SPIRE1: variants seen among roughly 807,000 people sequenced by gnomAD.
SPIRE1 encodes protein spire homolog 1.
In SPIRE1, 40 loss-of-function variants were observed where a neutral mutation model predicts 94.1. The observed-to-expected ratio is 0.43, with a 90% CI of 0.33 to 0.55. The LOEUF is 0.55. Ranked by LOEUF, SPIRE1 falls within the 20% of genes least tolerant of loss-of-function variation. The pLI is 0.06. For synonymous variants in SPIRE1, 376 were observed against 371.7 expected (o/e 1.01, Z -0.13); for missense variants, 838 against 975.2 (o/e 0.86, Z 1.87).
intron 2 of SPIRE1, among the ~76,000 whole-genome samples, chr18:12,631,548 C>CAAAAAAAAAAAAAAAAAAAAAAAA (rs869278182): frequency 1.6e-5 from 1 of 63,804 alleles, no homozygotes; most frequent in Non-Finnish European, 2.7e-5. Flanking sequence ...CCCATCTCTA[C>CAAAAAAAAAAAAAAAAAAAAAAAA]AAAAAAAAAA....
intron 3 of SPIRE1, among the ~76,000 whole-genome samples, chr18:12,535,845 C>G (rs986443112): frequency 3.9e-5 from 6 of 152,150 alleles, no homozygotes; most frequent in African/African-American, 1.4e-4. Context: ...ATCCCAGCTA[C>G]TCAGGAAGCT....
chr18:12,602,483 T>C (rs2036863286), intron 2 of SPIRE1, among the ~76,000 whole-genome samples: 1 of 152,192 alleles, frequency 6.6e-6, no homozygotes, highest in Non-Finnish European at 1.5e-5. Flanking sequence ...CCCTTTGAGA[T>C]TGTCATCCCA....
At position 12,512,342 on chromosome 18, in the gene SPIRE1, G is replaced by A. The variant is rs531996140; in HGVS notation, c.807+112C>T. ...GTGGGGGTTGCAGTGAGCTGAGATC[G>A]CACCATTGCACTGCAGCCTGAGCAA... is the stretch of plus-strand genomic sequence containing the variant. On this transcript the variant is annotated intron_variant, in intron 5 of 16. Transcript: ENST00000409402. 54 of 694,346 alleles carry A rather than the reference G, an allele frequency of 7.8e-5. 1 individual carries two copies. In the South Asian group the frequency reaches 8.9e-4, roughly 11 times the overall value. 43.0% of individuals were successfully genotyped at this position (694,346 alleles called of 1,614,324 possible).
chr18:12,626,084 A>C (rs2037618537), intron 2 of SPIRE1, among the ~76,000 whole-genome samples: 1 of 150,144 alleles, frequency 6.7e-6, no homozygotes, highest in Admixed American at 6.8e-5. Flanking sequence ...ATTGTCACCT[A>C]AACGAGCCAG....
intron 2 of SPIRE1, among the ~76,000 whole-genome samples, chr18:12,591,810 A>G (rs2036542799): frequency 6.6e-6 from 1 of 151,962 alleles, no homozygotes; most frequent in South Asian, 2.1e-4. Context: ...TCTACTAAAA[A>G]TGCAAAAAAT....
chr18:12,480,570 C>A (rs1300885884), intron 9 of SPIRE1, among the ~76,000 whole-genome samples: 2 of 152,188 alleles, frequency 1.3e-5, no homozygotes, highest in African/African-American at 4.8e-5. Flanking sequence ...ATATAAAATT[C>A]TGTGCCTAGT....
chr18:12,496,139 A>G, intron 6 of SPIRE1, 37 bp from the exon 7 acceptor site: 1 of 1,398,250 alleles, frequency 7.2e-7, no homozygotes. Flanking sequence ...TCATGTGACT[A>G]TATAAGACTA....
At chr18:12,527,893 C>T (rs922503538) in intron 4 of SPIRE1, among the ~76,000 whole-genome samples, 7 of 152,008 alleles carry the variant, frequency 4.6e-5, no homozygotes, top group Non-Finnish European at 7.4e-5. Flanking sequence ...GGTGAAACCC[C>T]GTCTCTACTA....
intron 1 of SPIRE1, among the ~76,000 whole-genome samples, chr18:12,652,349 T>C (rs2038403510): frequency 6.6e-6 from 1 of 152,202 alleles, no homozygotes; most frequent in Admixed American, 6.5e-5. Context: ...AACTTGTACC[T>C]AATAAACTTT....
At chr18:12,454,622 G>GAAAAATACCAACAGTATAAAGACAT in intron 12 of SPIRE1, 139 bp from the exon 13 acceptor site, 1 of 719,544 alleles carries the variant, frequency 1.4e-6, no homozygotes. Flanking sequence ...GGCAGAGCTG[G>GAAAAATACCAACAGTATAAAGACAT]CTCCCTCTGG....
At chr18:12,546,469 C>A (rs896100978) in intron 3 of SPIRE1, among the ~76,000 whole-genome samples, 1 of 151,470 alleles carries the variant, frequency 6.6e-6, no homozygotes, top group African/African-American at 2.4e-5. Flanking sequence ...CTCATCTCTG[C>A]AAAAAATTTA....
At position 12,559,471 on chromosome 18, in the gene SPIRE1, T is replaced by G. The variant is rs1785317; in HGVS notation, c.373-12567A>C. ...CCTGGTTGCCACCCGCGCCTCTCCC[T>G]CCACACCTCCCTGCAAGCAGAGGGA... On this transcript the variant is annotated intron_variant, in intron 2 of 16. Coordinates refer to ENST00000409402, the MANE Select transcript of SPIRE1 (RefSeq NM_001128626.2). The surrounding 1 kb of genome is among the most constrained non-coding windows in gnomAD (Gnocchi z 4.7). 0.1 allele frequency among the ~76,000 whole-genome samples: 15,134 copies of G among 152,070 alleles called. 1,037 individuals carry two copies. Among genetic ancestry groups the G allele is most frequent in the Admixed American group, 0.17 (2,560 of 15,274 alleles).
At chr18:12,634,795 C>T (rs577262713) in intron 2 of SPIRE1, among the ~76,000 whole-genome samples, 2 of 152,060 alleles carry the variant, frequency 1.3e-5, no homozygotes, top group Admixed American at 6.6e-5. Context: ...ATTAGCTGAG[C>T]GTGGTGGTGG....
intron 2 of SPIRE1, among the ~76,000 whole-genome samples, chr18:12,601,826 T>A (rs749748755): frequency 2.6e-5 from 4 of 152,166 alleles, no homozygotes; most frequent in Non-Finnish European, 4.4e-5. Flanking sequence ...CAGATGGTAC[T>A]CCATGGCATG....
intron 1 of SPIRE1, among the ~76,000 whole-genome samples, chr18:12,642,102 G>A (rs982332373): frequency 2.0e-5 from 3 of 151,932 alleles, no homozygotes; most frequent in Non-Finnish European, 4.4e-5. Flanking sequence ...TTATGGATTT[G>A]ATACAAAAAA....
At chr18:12,536,601 G>A (rs528993679) in intron 3 of SPIRE1, among the ~76,000 whole-genome samples, 49 of 152,066 alleles carry the variant, frequency 3.2e-4, no homozygotes, top group Middle Eastern at 3.4e-3. Context: ...GAGGGCAGAG[G>A]GCAATGTAAG....
At chr18:12,607,756 T>C (rs2037025412) in intron 2 of SPIRE1, among the ~76,000 whole-genome samples, 1 of 152,160 alleles carries the variant, frequency 6.6e-6, no homozygotes, top group South Asian at 2.1e-4. Context: ...CACACAGAAA[T>C]GTGTTTATAA....
At chr18:12,596,790 A>G (rs1311492850) in intron 2 of SPIRE1, among the ~76,000 whole-genome samples, 1 of 152,174 alleles carries the variant, frequency 6.6e-6, no homozygotes, top group Non-Finnish European at 1.5e-5. Flanking sequence ...CAGTTGGGAA[A>G]TTTGACATTT....
At chr18:12,569,047 C>A (rs2035886544) in intron 2 of SPIRE1, among the ~76,000 whole-genome samples, 1 of 152,122 alleles carries the variant, frequency 6.6e-6, no homozygotes, top group Non-Finnish European at 1.5e-5. Context: ...CTTAGAAATA[C>A]AGGCATAACA....
Sources: gnomAD v4.1 joint callset for allele counts (sites outside exome capture counted in the v4.1 genomes callset) on GRCh38, gnomAD v4.1.1 for gene constraint, Gnocchi (gnomAD v3.1) non-coding constraint, MANE v1.5 for transcripts, NCBI Gene and HGNC (gene_info 2026-07-23, HGNC 2026-07-21) for gene names.